The following MED24 variants were observed in gnomAD, a reference collection of about 807,000 sequenced individuals.
The protein encoded by MED24 is mediator complex subunit 24.
MED24 carries 74 observed loss-of-function variants against 118.8 expected under a neutral mutation model. The ratio of observed to expected loss-of-function variants is 0.62; its 90% CI spans 0.52 to 0.76. The LOEUF is 0.76. MED24 is among the 30% of genes least tolerant of loss of function. The pLI is 0.00. For synonymous variants in MED24, 521 were observed against 523.9 expected (o/e 0.99, Z 0.08); for missense variants, 1,041 against 1,278.9 (o/e 0.81, Z 2.84).
chr17:40,052,970 G>A (rs925814496), intron 3 of MED24, among the ~76,000 whole-genome samples: 15 of 152,190 alleles, frequency 9.9e-5, no homozygotes, highest in African/African-American at 3.6e-4. Context: ...GTCTCACTCT[G>A]TTGCTCTGGC....
At chr17:40,019,737 GC>G in intron 25 of MED24, 47 bp downstream of exon 25, 1 of 1,602,890 alleles carries the variant, frequency 6.2e-7, no homozygotes, top group Non-Finnish European at 8.5e-7. Flanking sequence ...TCTAAGGGCT[GC>G]CCCGAGGCCC....
intron 12 of MED24, among the ~76,000 whole-genome samples, chr17:40,030,326 C>G (rs1291725153): frequency 2.0e-5 from 3 of 151,338 alleles, no homozygotes; most frequent in African/African-American, 7.3e-5. Context: ...GACAGAGTCT[C>G]GCTCTGTCAC....
At chr17:40,048,086 C>G (rs1433528460) in intron 3 of MED24, among the ~76,000 whole-genome samples, 1 of 152,248 alleles carries the variant, frequency 6.6e-6, no homozygotes, top group Non-Finnish European at 1.5e-5. Context: ...TTACGGAAGT[C>G]TTGTCATGTG....
At chr17:40,032,539 G>A (rs1396901789) in intron 9 of MED24, 110 bp downstream of exon 9, 3 of 770,006 alleles carry the variant, frequency 3.9e-6, no homozygotes, top group Non-Finnish European at 6.4e-6. Flanking sequence ...ATACCTGGCA[G>A]GCTGGGCCCA....
intron 24 of MED24, 88 bp downstream of exon 24, chr17:40,020,184 CT>C (rs1981791374): frequency 7.6e-7 from 1 of 1,319,136 alleles, no homozygotes; most frequent in Admixed American, 2.6e-5. Flanking sequence ...CGCAAGGCCC[CT>C]TCCAGCTGAC....
intron 3 of MED24, among the ~76,000 whole-genome samples, chr17:40,040,130 G>A (rs1242338466): frequency 2.0e-5 from 3 of 150,240 alleles, no homozygotes; most frequent in Admixed American, 1.3e-4. Context: ...CCAGGCTGGA[G>A]TGCAGTGGCA....
intron 3 of MED24, among the ~76,000 whole-genome samples, chr17:40,044,674 G>A (rs548822869): frequency 2.0e-5 from 3 of 152,122 alleles, no homozygotes; most frequent in East Asian, 3.9e-4. Flanking sequence ...GAGGTCAGGA[G>A]ATCGAGACCA....
At chr17:40,036,758 G>A (rs1327528401) in intron 3 of MED24, among the ~76,000 whole-genome samples, 2 of 151,846 alleles carry the variant, frequency 1.3e-5, no homozygotes, top group Non-Finnish European at 2.9e-5. Context: ...ACGGCTAGTG[G>A]GCAGAAGCAT....
intron 3 of MED24, among the ~76,000 whole-genome samples, chr17:40,051,136 CAAAAAAAAA>C (rs1224890104): frequency 1.2e-5 from 1 of 81,762 alleles, no homozygotes; most frequent in Non-Finnish European, 2.3e-5. Context: ...GACTCTGTCT[CAAAAAAAAA>C]AAAAAAAAAA....
chr17:40,025,157 A>T (rs1982494901), intron 19 of MED24, among the ~76,000 whole-genome samples: 1 of 152,020 alleles, frequency 6.6e-6, no homozygotes. Flanking sequence ...CAAGGACTGT[A>T]TGATTCCAGT....
At chr17:40,053,774 G>A (rs981305301) in intron 1 of MED24, 139 bp from the exon 2 acceptor site, 1 of 1,123,926 alleles carries the variant, frequency 8.9e-7, no homozygotes, top group African/African-American at 1.6e-5. Flanking sequence ...AAGAGCTAAA[G>A]GGATAAAGTA....
chr17:40,052,409 C>T (rs1985955753), intron 3 of MED24, among the ~76,000 whole-genome samples: 1 of 152,146 alleles, frequency 6.6e-6, no homozygotes, highest in Non-Finnish European at 1.5e-5. Flanking sequence ...TGTACTCTAT[C>T]CTAACCTTTA....
intron 3 of MED24, among the ~76,000 whole-genome samples, chr17:40,047,753 C>T (rs1985400023): frequency 6.6e-6 from 1 of 151,832 alleles, no homozygotes. Flanking sequence ...TGTTCTGAGA[C>T]GAAGTTTTGC....
In MED24 at chr17:40,033,821, A is replaced by G. The variant is rs768669900; in HGVS notation, c.560-365T>C. The G allele has an allele frequency of 1.8e-4, 83 of 468,092 alleles. 1 individual carries two copies. Among genetic ancestry groups the G allele is most frequent in the South Asian group, 1.3e-3 (83 of 64,270 alleles). 29.0% of individuals were successfully genotyped at this position (468,092 alleles called of 1,614,324 possible). ...ATCACTCGAGGAGTGAGCGGATCCC[A>G]AAGTCCAGTCTTGCAGAGGCTGTCA... On this transcript the variant is annotated intron_variant, in intron 6 of 25. Coordinates refer to ENST00000394128, the MANE Select transcript of MED24 (RefSeq NM_014815.4). The surrounding 1 kb of genome is among the most constrained non-coding windows in gnomAD (Gnocchi z 5.2).
At chr17:40,052,274 T>A (rs181751565) in intron 3 of MED24, among the ~76,000 whole-genome samples, 2 of 152,152 alleles carry the variant, frequency 1.3e-5, no homozygotes, top group Non-Finnish European at 2.9e-5. Context: ...GCCTGGGCGA[T>A]AGAGCAAGAC....
chr17:40,021,843 C>G, intron 23 of MED24, 112 bp downstream of exon 23: 1 of 785,612 alleles, frequency 1.3e-6, no homozygotes, highest in Non-Finnish European at 2.1e-6. Context: ...CCCTGCCACA[C>G]CCTCTCTGAC....
chr17:40,035,081 G>A (rs1598352011), intron 6 of MED24, 36 bp downstream of exon 6: 1 of 1,611,426 alleles, frequency 6.2e-7, no homozygotes, highest in Non-Finnish European at 8.5e-7. Context: ...TATGGGAGCA[G>A]CGGCAGGTGG....
In MED24 at chr17:40,019,209, C is replaced by CATAT; in HGVS notation, c.*319_*320insATAT. 2 of 354,542 alleles carry CATAT rather than the reference C, an allele frequency of 5.6e-6. No individual in the cohort carries two copies. The highest frequency in any genetic ancestry group is 1.0e-5 in the Non-Finnish European group (2 of 192,352). The allele number at this position is 354,542 out of a possible 1,614,324, so 22.0% of individuals were successfully genotyped here. A position where few individuals can be genotyped will look rare whatever the true frequency, so the allele number is the denominator to read the frequency against. ...ACACACACACACACACACACATACA[C>CATAT]ACTTTGCATCTAGAAAGTTCCTCAG... On this transcript the variant is annotated 3_prime_UTR_variant, in exon 26 of 26. Coordinates refer to ENST00000394128, the MANE Select transcript of MED24 (RefSeq NM_014815.4).
chr17:40,022,512 A>T, intron 21 of MED24, 28 bp from the exon 22 acceptor site: 1 of 1,597,418 alleles, frequency 6.3e-7, no homozygotes, highest in Non-Finnish European at 8.5e-7. Context: ...AAAAAGGGGG[A>T]CAGTGAGAGG....
Sources: allele counts gnomAD v4.1 joint callset (sites outside exome capture counted in the v4.1 genomes callset), GRCh38; gene constraint gnomAD v4.1.1; non-coding constraint Gnocchi (gnomAD v3.1); transcripts MANE v1.5; gene names NCBI Gene and HGNC (gene_info 2026-07-23, HGNC 2026-07-21).